The following CDH9 variants were observed in gnomAD, a reference collection of about 807,000 sequenced individuals.
The protein encoded by CDH9 is cadherin-9.
Under a neutral mutation model 70.9 loss-of-function variants are expected in CDH9, and 28 were observed. The ratio of observed to expected loss-of-function variants is 0.40; its 90% CI spans 0.29 to 0.54. CDH9 has a LOEUF of 0.54. CDH9 is among the 20% of genes least tolerant of loss of function. The probability of loss-of-function intolerance (pLI) is 0.59; values close to 1 mark genes in which losing one functional copy is unlikely to be tolerated. For synonymous variants in CDH9, 409 were observed against 343.1 expected (o/e 1.19, Z -2.12); for missense variants, 874 against 984.4 (o/e 0.89, Z 1.50).
chr5:26,938,864 A>C (rs535085989), intron 2 of CDH9, among the ~76,000 whole-genome samples: 1 of 152,264 alleles, frequency 6.6e-6, no homozygotes, highest in African/African-American at 2.4e-5. Context: ...TGCATCTGGT[A>C]TGATTCCAAT....
chr5:26,998,033 G>C (rs1742697126), intron 1 of CDH9, among the ~76,000 whole-genome samples: 1 of 151,920 alleles, frequency 6.6e-6, no homozygotes, highest in South Asian at 2.1e-4. Context: ...CTATAGAAAA[G>C]GTTTTAAAGT....
chr5:26,937,105 A>G (rs1200303650), intron 2 of CDH9, among the ~76,000 whole-genome samples: 2 of 152,166 alleles, frequency 1.3e-5, no homozygotes, highest in Non-Finnish European at 2.9e-5. Context: ...AAAGCCACAC[A>G]CTGAAAAATA....
chr5:26,966,357 T>C (rs2112067914), intron 2 of CDH9, among the ~76,000 whole-genome samples: 1 of 152,314 alleles, frequency 6.6e-6, no homozygotes, highest in East Asian at 1.9e-4. Context: ...TAAAACTCCC[T>C]CTTGCAAATC....
chr5:26,899,460 A>G (rs1361567938), intron 7 of CDH9, among the ~76,000 whole-genome samples: 1 of 152,172 alleles, frequency 6.6e-6, no homozygotes, highest in East Asian at 1.9e-4. Flanking sequence ...ACCATGGAAT[A>G]CTATGCAGCC....
chr5:26,971,195 A>T (rs1312065029), intron 2 of CDH9, among the ~76,000 whole-genome samples: 4 of 152,184 alleles, frequency 2.6e-5, no homozygotes, highest in Admixed American at 6.5e-5. Context: ...TGATTCCAGC[A>T]TCATTCACCA....
chr5:26,986,739 C>T (rs1316506921), intron 2 of CDH9, among the ~76,000 whole-genome samples: 1 of 151,998 alleles, frequency 6.6e-6, no homozygotes, highest in Non-Finnish European at 1.5e-5. Flanking sequence ...AGACAAAAAA[C>T]ATTTGCTAGC....
intron 1 of CDH9, among the ~76,000 whole-genome samples, chr5:27,014,841 A>G (rs1202511452): frequency 6.6e-6 from 1 of 151,838 alleles, no homozygotes; most frequent in Non-Finnish European, 1.5e-5. Flanking sequence ...AATTCATCTA[A>G]GAGTTTTTCA....
At chr5:27,004,318 C>T (rs963654624) in intron 1 of CDH9, among the ~76,000 whole-genome samples, 4 of 151,852 alleles carry the variant, frequency 2.6e-5, no homozygotes, top group African/African-American at 4.8e-5. Flanking sequence ...CAAAAGTGCC[C>T]CTACAGCTGA....
intron 2 of CDH9, among the ~76,000 whole-genome samples, chr5:26,987,644 T>A (rs866582200): frequency 5.5e-4 from 83 of 152,214 alleles, no homozygotes; most frequent in Middle Eastern, 3.4e-3. Flanking sequence ...CTCATTTTTT[T>A]AAATCTTGTC....
chr5:27,021,133 G>T (rs989382061), intron 1 of CDH9, among the ~76,000 whole-genome samples: 1 of 151,712 alleles, frequency 6.6e-6, no homozygotes, highest in African/African-American at 2.4e-5. Context: ...CATATTAGGG[G>T]AGTCTCTCCT....
chr5:26,990,923 C>T (rs553629431), intron 1 of CDH9, among the ~76,000 whole-genome samples: 11 of 152,158 alleles, frequency 7.2e-5, no homozygotes, highest in East Asian at 3.9e-4. Context: ...GGCCTTTGAG[C>T]GGAATAATCT....
Position 26,881,191 on chromosome 5 carries a change from G to A in CDH9, c.2315C>T (p.Pro772Leu). Reference sequence around the variant, plus strand: ...CATATCGGCAAGTTTTTTGAAACGAGGCCCCCAGTCACTGAGGTAATCATA... The same window carrying A: ...CATATCGGCAAGTTTTTTGAAACGAAGCCCCCAGTCACTGAGGTAATCATA... ...QDYDYLSDWG[P>L]RFKKLADMYG... The change falls in exon 12 of 12, where the codon CCT (proline) becomes CTT (leucine). Residue 772 changes from proline to leucine, a missense_variant. Coordinates refer to ENST00000231021, the MANE Select transcript of CDH9 (RefSeq NM_016279.4). 1 of 1,612,880 alleles carries A rather than the reference G, an allele frequency of 6.2e-7. No homozygotes were observed. The highest frequency in any genetic ancestry group is 8.5e-7 in the Non-Finnish European group (1 of 1,179,302).
Position 26,914,740 on chromosome 5 carries a change from T to C in CDH9, c.523+890A>G, listed in dbSNP as rs1741118932. Among the ~76,000 whole-genome samples, 5 of 152,204 alleles carry C rather than the reference T, an allele frequency of 3.3e-5. No individual in the cohort carries two copies. The South Asian group carries it at 1.0e-3, about 32-fold the overall frequency. ...AGAAATTATTTTAGACTGAAACATA[T>C]ATTAGTTATAAGAATGTCAAAATCA... On this transcript the variant is annotated intron_variant, in intron 3 of 11. Coordinates refer to ENST00000231021, the MANE Select transcript of CDH9 (RefSeq NM_016279.4).
intron 3 of CDH9, among the ~76,000 whole-genome samples, chr5:26,909,527 AT>A (rs919660200): frequency 1.5e-4 from 22 of 148,030 alleles, no homozygotes; most frequent in East Asian, 6.0e-4. Flanking sequence ...TTTTGAGACC[AT>A]TTTTTTTCTT....
At chr5:26,956,853 AT>A in intron 2 of CDH9, among the ~76,000 whole-genome samples, 1 of 152,154 alleles carries the variant, frequency 6.6e-6, no homozygotes, top group East Asian at 1.9e-4. Context: ...TCTCCATAAA[AT>A]CATCATCATA....
In CDH9 at chr5:26,927,068, G is replaced by T. The variant is rs183450440; in HGVS notation, c.229-11144C>A. Among the ~76,000 whole-genome samples, 605 of 152,052 alleles carry T rather than the reference G, an allele frequency of 4.0e-3. 3 individuals are homozygous for T. Among genetic ancestry groups the T allele is most frequent in the African/African-American group, 0.013 (558 of 41,488 alleles). On this transcript the variant is annotated intron_variant, in intron 2 of 11. Coordinates refer to ENST00000231021, the MANE Select transcript of CDH9 (RefSeq NM_016279.4). ...AGAATATTTATCATGTCCAAGTGGG[G>T]TTTATTCCTGGGATGCAAGGATGGT... is the stretch of plus-strand genomic sequence containing the variant.
chr5:26,983,701 G>A (rs1742440844), intron 2 of CDH9, among the ~76,000 whole-genome samples: 1 of 147,110 alleles, frequency 6.8e-6, no homozygotes, highest in Non-Finnish European at 1.5e-5. Flanking sequence ...TATAAGTAAT[G>A]ATACTTTCAA....
intron 1 of CDH9, among the ~76,000 whole-genome samples, chr5:27,035,017 T>C (rs1743368132): frequency 6.6e-6 from 1 of 151,290 alleles, no homozygotes; most frequent in Non-Finnish European, 1.5e-5. Context: ...CAATAATCTA[T>C]ACAACTCTAT....
chr5:26,975,188 G>T (rs1742284649), intron 2 of CDH9, among the ~76,000 whole-genome samples: 19 of 152,120 alleles, frequency 1.2e-4, no homozygotes, highest in Admixed American at 1.2e-3. Flanking sequence ...ATTGTTACCA[G>T]AAAAGAAGGG....
Sources: gnomAD v4.1 joint callset for allele counts (sites outside exome capture counted in the v4.1 genomes callset) on GRCh38, gnomAD v4.1.1 for gene constraint, MANE v1.5 for transcripts, NCBI Gene and HGNC (gene_info 2026-07-23, HGNC 2026-07-21) for gene names.